ZMIZ1: variants seen among roughly 807,000 people sequenced by gnomAD.
The protein encoded by ZMIZ1 is zinc finger MIZ domain-containing protein 1.
In ZMIZ1, 17 loss-of-function variants were observed where a neutral mutation model predicts 113.9. That is an observed-to-expected ratio of 0.15 (90% confidence interval 0.10 to 0.22). ZMIZ1 has a LOEUF of 0.22. Ranked by LOEUF, ZMIZ1 falls within the 10% of genes least tolerant of loss-of-function variation. The probability of loss-of-function intolerance (pLI) is 1.00; values close to 1 mark genes in which losing one functional copy is unlikely to be tolerated. For synonymous variants in ZMIZ1, 607 were observed against 603.1 expected, an observed-to-expected ratio of 1.01 and a Z score of -0.09; for missense variants, 1,059 against 1,477.8, an observed-to-expected ratio of 0.72 and a Z score of 4.65.
chr10:79,095,058 C>T (rs1344497425), intron 1 of ZMIZ1, among the ~76,000 whole-genome samples: 1 of 152,198 alleles, frequency 6.6e-6, no homozygotes, highest in Non-Finnish European at 1.5e-5. Context: ...CCCTGCCCAG[C>T]TGGCTACAGG....
At chr10:79,085,035 G>A (rs1208752278) in intron 1 of ZMIZ1, among the ~76,000 whole-genome samples, 2 of 152,172 alleles carry the variant, frequency 1.3e-5, no homozygotes, top group Non-Finnish European at 2.9e-5. Flanking sequence ...GACGCTGCCC[G>A]CTCCGCATTC....
chr10:79,092,181 C>A (rs115029727), intron 1 of ZMIZ1, among the ~76,000 whole-genome samples: 1 of 152,306 alleles, frequency 6.6e-6, no homozygotes, highest in African/African-American at 2.4e-5. Flanking sequence ...TCTGCAACTC[C>A]ACCCAGCCTG....
chr10:79,286,189 GAGA>G (rs1466969193), intron 8 of ZMIZ1, among the ~76,000 whole-genome samples: 3 of 152,260 alleles, frequency 2.0e-5, no homozygotes, highest in Non-Finnish European at 2.9e-5. Context: ...GCTCGTCGGA[GAGA>G]AGAAGGGCTC....
At chr10:79,093,899 C>A (rs531822084) in intron 1 of ZMIZ1, among the ~76,000 whole-genome samples, 1 of 152,224 alleles carries the variant, frequency 6.6e-6, no homozygotes, top group South Asian at 2.1e-4. Flanking sequence ...ATAAAAGAGC[C>A]CGTTTGGGAT....
chr10:79,222,121 AAC>A (rs1274710096), intron 7 of ZMIZ1, among the ~76,000 whole-genome samples: 1 of 152,198 alleles, frequency 6.6e-6, no homozygotes, highest in Admixed American at 6.5e-5. Context: ...TCAATCAGAA[AAC>A]ACAGACTGGC....
chr10:79,265,669 C>T (rs574878987), intron 7 of ZMIZ1, among the ~76,000 whole-genome samples: 1 of 151,830 alleles, frequency 6.6e-6, no homozygotes, highest in Admixed American at 6.6e-5. Context: ...GATGTAGGTT[C>T]CAGGGGTCAG....
Position 79,311,135 on chromosome 10 carries a change from G to A in ZMIZ1, c.3047G>A (p.Gly1016Asp). ...TTTAACCCCTCCTCAGCCTTAGAGGGTCAGGCCGGAGCGCAGGGAGCGTCC... is the reference window on the plus strand; with the variant it reads ...TTTAACCCCTCCTCAGCCTTAGAGGATCAGGCCGGAGCGCAGGGAGCGTCC... ...LTFNPSSALEGQAGAQGASDM... is the reference protein window; with the variant it reads ...LTFNPSSALEDQAGAQGASDM... Residue 1016 changes from glycine to aspartate, a missense_variant, in exon 24 of 25, where the codon GGT becomes GAT. Coordinates refer to ENST00000334512, the MANE Select transcript of ZMIZ1 (RefSeq NM_020338.4). 1 of 1,613,730 alleles carries A rather than the reference G, an allele frequency of 6.2e-7. No homozygotes were observed. Among genetic ancestry groups the A allele is most frequent in the Non-Finnish European group, 8.5e-7 (1 of 1,180,038 alleles).
intron 2 of ZMIZ1, among the ~76,000 whole-genome samples, chr10:79,124,587 G>T (rs1396605855): frequency 1.3e-5 from 2 of 152,216 alleles, no homozygotes; most frequent in Non-Finnish European, 1.5e-5. Flanking sequence ...CTTCAGTTGA[G>T]CTGGGAGAGC....
At chr10:79,120,581 C>T (rs966024684) in intron 2 of ZMIZ1, among the ~76,000 whole-genome samples, 8 of 152,290 alleles carry the variant, frequency 5.3e-5, no homozygotes, top group Non-Finnish European at 4.4e-5. Context: ...CAAGCCCTTG[C>T]CCGCTCTAGG....
At chr10:79,089,838 A>G (rs1842935590) in intron 1 of ZMIZ1, among the ~76,000 whole-genome samples, 1 of 149,452 alleles carries the variant, frequency 6.7e-6, no homozygotes, top group Admixed American at 6.6e-5. Context: ...GCACATGTCC[A>G]TGTGTGCCCT....
intron 7 of ZMIZ1, among the ~76,000 whole-genome samples, chr10:79,245,246 G>C (rs540644664): frequency 6.6e-6 from 1 of 152,316 alleles, no homozygotes; most frequent in South Asian, 2.1e-4. Flanking sequence ...ATCACAGCCT[G>C]TGCGCTCAGG....
At chr10:79,185,631 C>G (rs1938125656) in intron 4 of ZMIZ1, among the ~76,000 whole-genome samples, 1 of 152,098 alleles carries the variant, frequency 6.6e-6, no homozygotes. Context: ...TGTATCTTCT[C>G]CTCCCTCAAC....
intron 3 of ZMIZ1, among the ~76,000 whole-genome samples, chr10:79,150,636 G>C (rs965953721): frequency 6.6e-5 from 10 of 152,230 alleles, no homozygotes; most frequent in African/African-American, 2.4e-4. Context: ...GGGAGAGGCA[G>C]ACGCTCTGCC....
chr10:79,173,515 G>C (rs962885910), intron 4 of ZMIZ1, among the ~76,000 whole-genome samples: 1 of 152,114 alleles, frequency 6.6e-6, no homozygotes, highest in African/African-American at 2.4e-5. Context: ...GCGGGGAGCA[G>C]GGGGCGGGGT....
intron 23 of ZMIZ1, among the ~76,000 whole-genome samples, chr10:79,309,650 T>G (rs1854981701): frequency 6.6e-6 from 1 of 152,172 alleles, no homozygotes; most frequent in South Asian, 2.1e-4. Flanking sequence ...TAGCAAGGCC[T>G]GGGAAACAGT....
At chr10:79,305,375 T>C in intron 20 of ZMIZ1, 144 bp downstream of exon 20, 1 of 1,202,746 alleles carries the variant, frequency 8.3e-7, no homozygotes, top group Non-Finnish European at 1.2e-6. Flanking sequence ...GGGCTCCAGG[T>C]GGTCCCTTGG....
chr10:79,278,991 C>T (rs1367685143), intron 8 of ZMIZ1, among the ~76,000 whole-genome samples: 2 of 151,910 alleles, frequency 1.3e-5, no homozygotes, highest in Admixed American at 1.3e-4. Flanking sequence ...CAGAGGGGCT[C>T]CTCACTTCCC....
intron 1 of ZMIZ1, among the ~76,000 whole-genome samples, chr10:79,103,355 T>C (rs1843437876): frequency 6.7e-6 from 1 of 150,314 alleles, no homozygotes; most frequent in Non-Finnish European, 1.5e-5. Flanking sequence ...AGGAAGGAAG[T>C]GAGAGTGGGA....
At chr10:79,178,933 C>G (rs568987987) in intron 4 of ZMIZ1, among the ~76,000 whole-genome samples, 16 of 152,358 alleles carry the variant, frequency 1.1e-4, no homozygotes, top group African/African-American at 3.4e-4. Flanking sequence ...GCCCTGCCCC[C>G]GCCTGGCTCA....
Sources: gnomAD v4.1 joint callset for allele counts (sites outside exome capture counted in the v4.1 genomes callset) on GRCh38, gnomAD v4.1.1 for gene constraint, MANE v1.5 for transcripts, NCBI Gene and HGNC (gene_info 2026-07-23, HGNC 2026-07-21) for gene names.